ADK: variants seen among roughly 807,000 people sequenced by gnomAD.
The protein encoded by ADK is adenosine kinase.
ADK carries 24 observed loss-of-function variants against 44.7 expected under a neutral mutation model. The observed-to-expected ratio is 0.54, with a 90% CI of 0.39 to 0.76. The LOEUF (loss-of-function observed/expected upper bound fraction) is 0.76, where lower values mean the gene tolerates loss of function less well. ADK is among the 30% of genes least tolerant of loss of function. The pLI, the probability that ADK is intolerant of heterozygous loss-of-function variation, is 0.00. For synonymous variants in ADK, 128 were observed against 142.6 expected, an observed-to-expected ratio of 0.90 and a Z score of 0.73; for missense variants, 321 against 425.1, an observed-to-expected ratio of 0.76 and a Z score of 2.15.
At chr10:74,356,835 A>T (rs935283117) in intron 4 of ADK, among the ~76,000 whole-genome samples, 1 of 152,196 alleles carries the variant, frequency 6.6e-6, no homozygotes, top group African/African-American at 2.4e-5. Flanking sequence ...AAGGAGAGGC[A>T]TTTACAGTGC....
At chr10:74,294,611 G>T (rs189683837) in intron 3 of ADK, among the ~76,000 whole-genome samples, 1 of 152,258 alleles carries the variant, frequency 6.6e-6, no homozygotes, top group Admixed American at 6.5e-5. Context: ...TAGAACAGCA[G>T]AAATGGGAGT....
intron 10 of ADK, among the ~76,000 whole-genome samples, chr10:74,680,690 A>G (rs1855574256): frequency 6.6e-6 from 1 of 152,220 alleles, no homozygotes. Context: ...ATTTCAAACT[A>G]TACGATAATT....
intron 4 of ADK, among the ~76,000 whole-genome samples, chr10:74,354,631 G>T (rs991132870): frequency 3.3e-5 from 5 of 152,040 alleles, no homozygotes; most frequent in African/African-American, 1.2e-4. Context: ...CATAACCAGC[G>T]ACCACCAGGT....
chr10:74,482,147 T>C (rs1179639632), intron 6 of ADK, among the ~76,000 whole-genome samples: 1 of 152,168 alleles, frequency 6.6e-6, no homozygotes, highest in African/African-American at 2.4e-5. Flanking sequence ...CTGGGTAATT[T>C]ATAAAGAAAA....
At chr10:74,486,124 T>C (rs1221541178) in intron 6 of ADK, among the ~76,000 whole-genome samples, 1 of 152,122 alleles carries the variant, frequency 6.6e-6, no homozygotes, top group African/African-American at 2.4e-5. Flanking sequence ...GATTGGATCA[T>C]GGGGGCGGTA....
At position 74,302,109 on chromosome 10, in the gene ADK, GTTTTTTTTTTTTTTTTTTTTT is replaced by G. The variant is rs1172807289; in HGVS notation, c.195-12541_195-12521del. On this transcript the variant is annotated intron_variant, in intron 3 of 10. Coordinates refer to ENST00000539909, the MANE Select transcript of ADK (RefSeq NM_006721.4). ...TTTTCTGTTTTTTTTTTGTTTGTTT[GTTTTTTTTTTTTTTTTTTTTT>G]TTTTTTTTTTTTTTTTGAGATGGAG... Among the ~76,000 whole-genome samples the G allele has an allele frequency of 8.4e-4, 11 of 13,044 alleles. No individual in the cohort carries two copies. The South Asian group carries it at 0.035, about 42-fold the overall frequency. The allele number at this position is 13,044 out of a possible 152,430, so 8.6% of individuals were successfully genotyped here.
chr10:74,357,134 G>A (rs1842172594), intron 4 of ADK, among the ~76,000 whole-genome samples: 1 of 152,130 alleles, frequency 6.6e-6, no homozygotes, highest in Admixed American at 6.5e-5. Flanking sequence ...CAGGGAACTG[G>A]TCTAAATATA....
At chr10:74,222,646 T>C (rs573999985) in intron 2 of ADK, among the ~76,000 whole-genome samples, 58 of 152,166 alleles carry the variant, frequency 3.8e-4, no homozygotes, top group Non-Finnish European at 7.5e-4. Flanking sequence ...ATTAAGAAAA[T>C]GTGGCACATA....
chr10:74,558,541 A>G (rs185116107), intron 7 of ADK, among the ~76,000 whole-genome samples: 4 of 152,188 alleles, frequency 2.6e-5, no homozygotes, highest in African/African-American at 9.6e-5. Flanking sequence ...CTCTCCTACC[A>G]CTGTGTAAGA....
rs145728701 is a variant in ADK at position 74,363,937 on chromosome 10, G to C, written c.274-30204G>C. ...GATGCATCCCCTACTGCAGCAGGAG[G>C]AGCTGAGGCTGAGTCTGGGGCCTCC... is the stretch of plus-strand genomic sequence containing the variant. On this transcript the variant is annotated intron_variant, in intron 4 of 10. Transcript: ENST00000539909. Among the ~76,000 whole-genome samples, 24 of 152,312 alleles carry C rather than the reference G, an allele frequency of 1.6e-4. No individual in the cohort carries two copies. In the East Asian group the frequency reaches 4.6e-3, roughly 29 times the overall value.
chr10:74,670,420 G>A (rs1392810289), intron 10 of ADK, 151 bp downstream of exon 10: 2 of 675,710 alleles, frequency 3.0e-6, no homozygotes, highest in Admixed American at 2.5e-5. Flanking sequence ...TTCTATCATT[G>A]TCAGTATTAG....
intron 6 of ADK, among the ~76,000 whole-genome samples, chr10:74,493,636 A>G (rs1289489949): frequency 6.6e-6 from 1 of 151,974 alleles, no homozygotes; most frequent in Non-Finnish European, 1.5e-5. Context: ...CACCCACCTC[A>G]GCCTCCCAAA....
chr10:74,600,489 T>C lies in ADK; in HGVS notation c.873T>C (p.Ala291=). 1 of 1,601,206 alleles carries C rather than the reference T, an allele frequency of 6.2e-7. No individual in the cohort carries two copies. Among genetic ancestry groups the C allele is most frequent in the Non-Finnish European group, 8.5e-7 (1 of 1,170,334 alleles). The change falls in exon 9 of 11, where the codon GCT becomes GCC. Residue 291 remains alanine, a synonymous_variant. Transcript: ENST00000539909. ...FTQGRDDTIM[A]TESEVTAFAV... ...AAGGGAGAGATGACACTATAATGGC[T>C]ACAGGTACATGTGGGAAATGTGTGA...
chr10:74,468,778 G>A (rs1846449263), intron 6 of ADK, among the ~76,000 whole-genome samples: 1 of 152,098 alleles, frequency 6.6e-6, no homozygotes, highest in African/African-American at 2.4e-5. Flanking sequence ...ATGAATCCCT[G>A]TGTATTCATT....
At chr10:74,527,375 A>C (rs994619748) in intron 7 of ADK, among the ~76,000 whole-genome samples, 4 of 139,878 alleles carry the variant, frequency 2.9e-5, no homozygotes, top group Admixed American at 6.8e-5. Context: ...AAACAAACAA[A>C]AAAAAAAAAA....
chr10:74,481,018 T>C (rs1451496318), intron 6 of ADK, among the ~76,000 whole-genome samples: 1 of 152,172 alleles, frequency 6.6e-6, no homozygotes, highest in Non-Finnish European at 1.5e-5. Context: ...ATTCTTTTGG[T>C]TGTTTGCCTT....
At chr10:74,699,499 G>A (rs769850199) in intron 10 of ADK, among the ~76,000 whole-genome samples, 3 of 152,064 alleles carry the variant, frequency 2.0e-5, no homozygotes, top group Non-Finnish European at 4.4e-5. Context: ...CCAACATGGT[G>A]AAACCCGTCT....
intron 6 of ADK, among the ~76,000 whole-genome samples, chr10:74,412,383 C>G (rs1344998410): frequency 6.6e-6 from 1 of 152,088 alleles, no homozygotes; most frequent in Non-Finnish European, 1.5e-5. Flanking sequence ...TTAAGTGATC[C>G]TCCCACTGCG....
chr10:74,509,061 C>A (rs1281089444), intron 6 of ADK, among the ~76,000 whole-genome samples: 1 of 152,158 alleles, frequency 6.6e-6, no homozygotes, highest in African/African-American at 2.4e-5. Flanking sequence ...AACTCCTGGC[C>A]TCACCCTATC....
Sources: allele counts gnomAD v4.1 joint callset (sites outside exome capture counted in the v4.1 genomes callset), GRCh38; gene constraint gnomAD v4.1.1; transcripts MANE v1.5; gene names NCBI Gene and HGNC (gene_info 2026-07-23, HGNC 2026-07-21).